NUDC: variants seen among roughly 807,000 people sequenced by gnomAD.
NUDC encodes the protein nuclear migration protein nudC.
NUDC carries 14 observed loss-of-function variants against 45.0 expected under a neutral mutation model. The ratio of observed to expected loss-of-function variants is 0.31; its 90% CI spans 0.21 to 0.49. NUDC has a LOEUF of 0.49. Ranked by LOEUF, NUDC falls within the 20% of genes least tolerant of loss-of-function variation. The probability of loss-of-function intolerance (pLI) is 0.99; values close to 1 mark genes in which losing one functional copy is unlikely to be tolerated. For synonymous variants in NUDC, 153 were observed against 156.7 expected, an observed-to-expected ratio of 0.98 and a Z score of 0.17; for missense variants, 323 against 426.2, an observed-to-expected ratio of 0.76 and a Z score of 2.13.
chr1:26,904,261 G>A lies in NUDC; in HGVS notation c.-16+1895G>A, dbSNP rs148403804. Among the ~76,000 whole-genome samples the A allele has an allele frequency of 1.7e-4, 26 of 149,330 alleles. No individual in the cohort carries two copies. In the East Asian group the frequency reaches 2.0e-3, roughly 11 times the overall value. Reference sequence around the variant, plus strand: ...TGGCTCACTGCAACCTCTGCCTGCCGGGTTCAGGCCATTCTCCTGCCTCAG... The same window carrying A: ...TGGCTCACTGCAACCTCTGCCTGCCAGGTTCAGGCCATTCTCCTGCCTCAG... On this transcript the variant is annotated intron_variant, in intron 2 of 6. Coordinates refer to the NUDC transcript ENST00000435827.
chr1:26,922,077 G>A, intron 1 of NUDC, 148 bp downstream of exon 1: 1 of 811,424 alleles, frequency 1.2e-6, no homozygotes, highest in East Asian at 2.7e-5. Context: ...TTCCGGCCTG[G>A]CCACCCGCCA....
At chr1:26,942,325 T>C (rs575345803) in intron 4 of NUDC, among the ~76,000 whole-genome samples, 40 of 152,198 alleles carry the variant, frequency 2.6e-4, no homozygotes, top group African/African-American at 9.4e-4. Context: ...GACCTTAACC[T>C]GTTTATGGCA....
rs1057201526 is a variant in NUDC at position 26,943,946 on chromosome 1, C to T, written c.741+881C>T. Among the ~76,000 whole-genome samples the T allele has an allele frequency of 3.3e-5, 5 of 152,244 alleles. No individual in the cohort carries two copies. The South Asian group carries it at 8.3e-4, about 25-fold the overall frequency. ...AGGCTGGAGTGCAGTGGCGCGATCT[C>T]GGCTCACTGCGAGCTCCGCCTCCTG... On this transcript the variant is annotated intron_variant, in intron 6 of 8. Coordinates refer to ENST00000321265, the MANE Select transcript of NUDC (RefSeq NM_006600.4).
intron 1 of NUDC, chr1:26,900,474 G>C: frequency 6.4e-7 from 1 of 1,569,056 alleles, no homozygotes; most frequent in Non-Finnish European, 8.7e-7. Context: ...CTAGAACCAA[G>C]TCTCGCGAGA....
At chr1:26,908,451 A>G (rs2082011657) in intron 2 of NUDC, among the ~76,000 whole-genome samples, 1 of 152,248 alleles carries the variant, frequency 6.6e-6, no homozygotes, top group African/African-American at 2.4e-5. Context: ...GAAATAGGGC[A>G]CGGGGAATGA....
chr1:26,935,596 A>G (rs1300435323), intron 2 of NUDC, among the ~76,000 whole-genome samples: 1 of 152,000 alleles, frequency 6.6e-6, no homozygotes, highest in East Asian at 1.9e-4. Context: ...CCCATGATTC[A>G]AATTACCCCC....
chr1:26,938,835 A>C (rs760566917), intron 2 of NUDC, among the ~76,000 whole-genome samples: 24 of 152,214 alleles, frequency 1.6e-4, no homozygotes, highest in Admixed American at 7.2e-4. Flanking sequence ...GTATGTGTGC[A>C]CATGCACACT....
At chr1:26,912,844 C>A (rs1358778391) in intron 3 of NUDC, among the ~76,000 whole-genome samples, 1 of 152,198 alleles carries the variant, frequency 6.6e-6, no homozygotes, top group Non-Finnish European at 1.5e-5. Context: ...AAGGTCAGAG[C>A]AAATTTCTCA....
chr1:26,904,618 T>C (rs978104976), intron 2 of NUDC, among the ~76,000 whole-genome samples: 1 of 152,000 alleles, frequency 6.6e-6, no homozygotes, highest in Non-Finnish European at 1.5e-5. Flanking sequence ...GACACAAGTA[T>C]AGTGTTTAAG....
chr1:26,937,806 ACT>A, intron 2 of NUDC, among the ~76,000 whole-genome samples: 1 of 150,916 alleles, frequency 6.6e-6, no homozygotes, highest in South Asian at 2.1e-4. Flanking sequence ...GTACCACTAC[ACT>A]CAGCTAATTT....
chr1:26,909,747 T>C (rs578192986), intron 2 of NUDC, among the ~76,000 whole-genome samples: 1 of 152,018 alleles, frequency 6.6e-6, no homozygotes, highest in East Asian at 1.9e-4. Context: ...CGGGGTGGTA[T>C]GTGCCAGAGG....
At chr1:26,913,774 C>A (rs762202771) in intron 3 of NUDC, 2 of 1,564,762 alleles carry the variant, frequency 1.3e-6, no homozygotes, top group Non-Finnish European at 1.7e-6. Context: ...GGCCTCCCGG[C>A]AGGTGCGATG....
Position 26,945,689 on chromosome 1 carries a change from G to A in NUDC, c.944+3G>A, listed in dbSNP as rs369993409. The A allele has an allele frequency of 1.9e-6, 3 of 1,607,524 alleles. No individual in the cohort carries two copies. The African/African-American group carries it at 4.0e-5, about 21-fold the overall frequency. ...AAGAAACAGGAGATTCTGAAGAAGT[G>A]AGCAATTCAGAGACGGGGTTGGGGG... On this transcript the variant is annotated splice_donor_region_variant and intron_variant, in intron 8 of 8. Coordinates refer to ENST00000321265, the MANE Select transcript of NUDC (RefSeq NM_006600.4).
chr1:26,910,909 A>T (rs943687529), intron 2 of NUDC, among the ~76,000 whole-genome samples: 29 of 152,156 alleles, frequency 1.9e-4, no homozygotes, highest in African/African-American at 7.0e-4. Flanking sequence ...GGGCTGGGGC[A>T]GAGGGGCAGG....
At chr1:26,936,167 T>TATATATATA (rs1557678406) in intron 2 of NUDC, among the ~76,000 whole-genome samples, 2 of 3,008 alleles carry the variant, frequency 6.6e-4, no homozygotes, top group African/African-American at 1.3e-3. Context: ...ATATATATAT[T>TATATATATA]TTTTTTTTTT....
chr1:26,917,898 AAAG>A (rs571107624), upstream of NUDC, among the ~76,000 whole-genome samples: 202 of 152,138 alleles, frequency 1.3e-3, 1 homozygote, highest in African/African-American at 4.3e-3. Flanking sequence ...AAAAAAAAAA[AAAG>A]AAGAAGAAAC....
In NUDC at chr1:26,925,784, C is replaced by T. The variant is rs187015713; in HGVS notation, c.159+1618C>T. ...TTGCCCAGGCTGCAGTGCAATGGCA[C>T]GATCTCAGCTCACCACAACCTCCGC... On this transcript the variant is annotated intron_variant, in intron 2 of 8. Transcript: ENST00000321265. 1.3e-3 allele frequency among the ~76,000 whole-genome samples: 186 copies of T among 147,844 alleles called. 1 individual carries two copies. Among genetic ancestry groups the T allele is most frequent in the Admixed American group, 0.01 (151 of 14,702 alleles).
exon 1 of NUDC, chr1:26,900,270 G>A (rs1356256755): frequency 1.2e-6 from 2 of 1,613,914 alleles, no homozygotes; most frequent in South Asian, 2.2e-5. Context: ...AGCGGCCTGC[G>A]GAGGGGCCCG....
At chr1:26,922,440 C>T (rs1270529103) in intron 1 of NUDC, 1 of 168,536 alleles carries the variant, frequency 5.9e-6, no homozygotes, top group East Asian at 1.8e-4. Context: ...GCCTGAGTTT[C>T]CTTATCTGTG....
Sources: allele counts gnomAD v4.1 joint callset (sites outside exome capture counted in the v4.1 genomes callset), GRCh38; gene constraint gnomAD v4.1.1; transcripts MANE v1.5; gene names NCBI Gene and HGNC (gene_info 2026-07-23, HGNC 2026-07-21).